Variants in SH3GL2 observed in about 807,000 individuals in gnomAD.
SH3GL2 encodes SH3 domain containing GRB2 like 2, endophilin A1.
A neutral mutation model predicts 46.0 loss-of-function variants in SH3GL2; 24 were observed. The ratio of observed to expected loss-of-function variants is 0.52; its 90% confidence interval spans 0.38 to 0.73. SH3GL2 has a LOEUF of 0.73. SH3GL2 is among the 30% of genes least tolerant of loss of function. The pLI, the probability that SH3GL2 is intolerant of heterozygous loss-of-function variation, is 0.00. For synonymous variants in SH3GL2, 196 were observed against 147.1 expected (o/e 1.33, Z -2.40); for missense variants, 413 against 424.2 (o/e 0.97, Z 0.23).
intron 2 of SH3GL2, among the ~76,000 whole-genome samples, chr9:17,758,215 C>T (rs1031545062): frequency 6.6e-6 from 1 of 152,046 alleles, no homozygotes; most frequent in Non-Finnish European, 1.5e-5. Flanking sequence ...ACAGAATGCT[C>T]CCCTGGTCTC....
chr9:17,792,913 G>GAA (rs1486807352), intron 7 of SH3GL2, among the ~76,000 whole-genome samples: 1 of 152,036 alleles, frequency 6.6e-6, no homozygotes, highest in East Asian at 1.9e-4. Context: ...TTTTAAAATT[G>GAA]AAAAAATTGT....
intron 1 of SH3GL2, among the ~76,000 whole-genome samples, chr9:17,675,923 C>T (rs562373016): frequency 5.3e-5 from 8 of 151,862 alleles, no homozygotes; most frequent in Middle Eastern, 3.4e-3. Context: ...CCAGCCTGGG[C>T]GACAGAGCGA....
intron 1 of SH3GL2, among the ~76,000 whole-genome samples, chr9:17,680,646 C>G (rs1282066194): frequency 2.0e-5 from 3 of 152,022 alleles, no homozygotes; most frequent in Non-Finnish European, 2.9e-5. Flanking sequence ...CTTCTCTGAT[C>G]TTAGTTATTT....
At chr9:17,591,985 A>C (rs1389926473) in intron 1 of SH3GL2, among the ~76,000 whole-genome samples, 3 of 152,234 alleles carry the variant, frequency 2.0e-5, no homozygotes, top group Non-Finnish European at 4.4e-5. Context: ...CCAACATGAT[A>C]TGTAGATACA....
chr9:17,644,097 C>A (rs1819749716), intron 1 of SH3GL2, among the ~76,000 whole-genome samples: 1 of 152,262 alleles, frequency 6.6e-6, no homozygotes, highest in Admixed American at 6.5e-5. Flanking sequence ...TCCATTTCTT[C>A]TGGATTTTCT....
chr9:17,671,510 G>A lies in SH3GL2; in HGVS notation c.46-75556G>A, dbSNP rs550680330. 2.6e-5 allele frequency among the ~76,000 whole-genome samples: 4 copies of A among 152,156 alleles called. No homozygotes were observed. In the East Asian group the frequency reaches 7.7e-4, roughly 29 times the overall value. ...ATAATTAGATTGATTGTATCACAGA[G>A]GATAAATGCTTGAGTGGATGGATAT... On this transcript the variant is annotated intron_variant, in intron 1 of 8. Coordinates refer to ENST00000380607, the MANE Select transcript of SH3GL2 (RefSeq NM_003026.5).
chr9:17,597,608 T>A (rs1818598236), intron 1 of SH3GL2, among the ~76,000 whole-genome samples: 1 of 152,198 alleles, frequency 6.6e-6, no homozygotes, highest in South Asian at 2.1e-4. Flanking sequence ...TTCTGTATTA[T>A]GTGCTTGTTA....
chr9:17,722,821 A>C (rs1821928535), intron 1 of SH3GL2, among the ~76,000 whole-genome samples: 1 of 152,076 alleles, frequency 6.6e-6, no homozygotes, highest in Admixed American at 6.6e-5. Context: ...GACTATAACA[A>C]CTAGGATTCC....
intron 1 of SH3GL2, among the ~76,000 whole-genome samples, chr9:17,666,914 C>G (rs1461562499): frequency 2.0e-5 from 3 of 152,084 alleles, no homozygotes; most frequent in Non-Finnish European, 2.9e-5. Flanking sequence ...GTTTTGTCAA[C>G]AGAATGTGTT....
At chr9:17,742,214 A>G (rs1032119039) in intron 1 of SH3GL2, among the ~76,000 whole-genome samples, 1 of 152,204 alleles carries the variant, frequency 6.6e-6, no homozygotes, top group African/African-American at 2.4e-5. Flanking sequence ...TTAAGCATTT[A>G]GTAAATGAAA....
chr9:17,652,007 G>T (rs1819970554), intron 1 of SH3GL2, among the ~76,000 whole-genome samples: 1 of 151,926 alleles, frequency 6.6e-6, no homozygotes, highest in East Asian at 1.9e-4. Flanking sequence ...ACCACTTAGT[G>T]GTTCATTAAT....
chr9:17,582,882 C>T (rs1818303331), intron 1 of SH3GL2, among the ~76,000 whole-genome samples: 1 of 152,190 alleles, frequency 6.6e-6, no homozygotes, highest in South Asian at 2.1e-4. Context: ...TGGTCTCTGC[C>T]TTCATGCTCA....
chr9:17,694,549 C>G (rs896373976), intron 1 of SH3GL2, among the ~76,000 whole-genome samples: 9 of 152,082 alleles, frequency 5.9e-5, no homozygotes, highest in Non-Finnish European at 1.2e-4. Flanking sequence ...TTTCAGAATT[C>G]AATTTATAAA....
Position 17,763,222 on chromosome 9 carries a change from T to C in SH3GL2, c.187+1713T>C, listed in dbSNP as rs117447758. Among the ~76,000 whole-genome samples, 96 of 152,266 alleles carry C rather than the reference T, an allele frequency of 6.3e-4. 1 individual carries two copies. The highest frequency in any genetic ancestry group is 1.2e-3 in the Non-Finnish European group (84 of 68,008). ...AAATTATCAGTGGGAGCTCATCAGT[T>C]TTCCTGAGTATAATGGAACTGTGCT... On this transcript the variant is annotated intron_variant, in intron 3 of 8. Transcript: ENST00000380607.
In SH3GL2 at chr9:17,756,221, A is replaced by C. The variant is rs182995749; in HGVS notation, c.115-5216A>C. ...GCAGTAAAATAGTAGTCTCATTTCA[A>C]ATTTTTTCAACCATTTAAAGAAGTA... On this transcript the variant is annotated intron_variant, in intron 2 of 8. Transcript: ENST00000380607. Among the ~76,000 whole-genome samples the C allele has an allele frequency of 3.9e-3, 588 of 152,298 alleles. 1 individual carries two copies. The highest frequency in any genetic ancestry group is 6.8e-3 in the Middle Eastern group (2 of 294).
intron 1 of SH3GL2, among the ~76,000 whole-genome samples, chr9:17,678,548 T>C (rs1219908053): frequency 1.3e-5 from 2 of 152,174 alleles, no homozygotes; most frequent in East Asian, 3.8e-4. Context: ...GTCAGATGAG[T>C]AGATTGCAAA....
rs182926548 is a variant in SH3GL2, at chr9:17,644,203, G to A, written c.45+64916G>A. On this transcript the variant is annotated intron_variant, in intron 1 of 8. Transcript: ENST00000380607. The stretch of plus-strand genomic sequence containing the variant: ...TATCCCCTTTATATCATTTTTTATT[G>A]TGCCTATTTGATTCTTCTCTCTTTT... Among the ~76,000 whole-genome samples the A allele has an allele frequency of 5.1e-4, 77 of 151,764 alleles. 1 individual carries two copies. Among genetic ancestry groups the A allele is most frequent in the African/African-American group, 1.8e-3 (73 of 41,376 alleles).
At chr9:17,757,526 C>T (rs1040927042) in intron 2 of SH3GL2, among the ~76,000 whole-genome samples, 1 of 152,168 alleles carries the variant, frequency 6.6e-6, no homozygotes, top group Non-Finnish European at 1.5e-5. Context: ...CTTTAAACAG[C>T]CTTCCCTAAT....
intron 1 of SH3GL2, among the ~76,000 whole-genome samples, chr9:17,650,984 T>TTG (rs3840724): frequency 0.11 from 16,380 of 151,986 alleles, 1,282 homozygotes; most frequent in East Asian, 0.4. Context: ...CCCCTTTTCC[T>TTG]TGTGTGTGTG....
Sources: allele counts gnomAD v4.1 joint callset (sites outside exome capture counted in the v4.1 genomes callset), GRCh38; gene constraint gnomAD v4.1.1; transcripts MANE v1.5; gene names NCBI Gene and HGNC (gene_info 2026-07-23, HGNC 2026-07-21).